The following NHS variants were observed in gnomAD, a reference collection of about 807,000 sequenced individuals.
NHS encodes NHS actin remodeling regulator, also known as actin remodeling regulator NHS.
NHS carries 5 observed loss-of-function variants against 72.5 expected under a neutral mutation model. The ratio of observed to expected loss-of-function variants is 0.07; its 90% CI spans 0.04 to 0.14. The LOEUF (loss-of-function observed/expected upper bound fraction) is 0.14, where lower values mean the gene tolerates loss of function less well. Among genes scored for constraint, NHS ranks in the 10% least tolerant of loss-of-function variants. NHS has a pLI of 1.00. For synonymous variants in NHS, 464 were observed against 547.7 expected (o/e 0.85, Z 2.13); for missense variants, 1,072 against 1,355.7 (o/e 0.79, Z 3.29).
intron 1 of NHS, among the ~76,000 whole-genome samples, chrX:17,549,898 G>A (rs1294946529): frequency 1.8e-5 from 2 of 111,414 alleles, no homozygotes; most frequent in African/African-American, 6.5e-5. Context: ...GACTTGAACA[G>A]GCCCCTTGGG....
At chrX:17,589,833 G>A (rs1377308153) in intron 1 of NHS, among the ~76,000 whole-genome samples, 2 of 111,435 alleles carry the variant, frequency 1.8e-5, no homozygotes, top group Non-Finnish European at 3.8e-5. Flanking sequence ...CTGCATCCAT[G>A]CCAATGTCTA....
At chrX:17,675,363 T>C (rs2066073621) in intron 1 of NHS, among the ~76,000 whole-genome samples, 1 of 112,681 alleles carries the variant, frequency 8.9e-6, no homozygotes, top group Non-Finnish European at 1.9e-5. Flanking sequence ...TAAATTAAAA[T>C]CTGTAATCTT....
chrX:17,559,131 G>T (rs1325578591), intron 1 of NHS, among the ~76,000 whole-genome samples: 1 of 112,073 alleles, frequency 8.9e-6, no homozygotes, highest in Admixed American at 9.5e-5. Context: ...GGCTCCCTGA[G>T]AGGGCTGTTC....
intron 1 of NHS, among the ~76,000 whole-genome samples, chrX:17,492,505 G>T (rs915257392): frequency 4.5e-5 from 5 of 112,306 alleles, no homozygotes; most frequent in Non-Finnish European, 7.5e-5. Context: ...GTGACTCTTT[G>T]TTATGATTTC....
chrX:17,580,340 C>T (rs1410935831), intron 1 of NHS, among the ~76,000 whole-genome samples: 1 of 111,777 alleles, frequency 8.9e-6, no homozygotes, highest in Non-Finnish European at 1.9e-5. Flanking sequence ...AGCTATTCAA[C>T]AAGTATTAAT....
At chrX:17,433,196 CTTTTTTTTTT>C (rs768285319) in intron 1 of NHS, among the ~76,000 whole-genome samples, 834 of 64,577 alleles carry the variant, frequency 0.013, 16 homozygotes, top group African/African-American at 0.047. Context: ...CGCCCGGCTA[CTTTTTTTTTT>C]TTTTTTTTTT....
At chrX:17,573,204 A>G (rs1601780294) in intron 1 of NHS, among the ~76,000 whole-genome samples, 1 of 110,751 alleles carries the variant, frequency 9.0e-6, no homozygotes, top group East Asian at 2.8e-4. Context: ...TCTGTTATTT[A>G]CTGAATTTGA....
chrX:17,493,518 C>T (rs1221027777), intron 1 of NHS, among the ~76,000 whole-genome samples: 2 of 112,121 alleles, frequency 1.8e-5, no homozygotes, highest in African/African-American at 6.5e-5. Context: ...ACTGCATCGC[C>T]AGTCCCCCAG....
At chrX:17,469,652 T>G (rs1295292726) in intron 1 of NHS, among the ~76,000 whole-genome samples, 2 of 112,066 alleles carry the variant, frequency 1.8e-5, no homozygotes, top group African/African-American at 6.5e-5. Flanking sequence ...TCTATAAGTT[T>G]GTTTGAGTCT....
At chrX:17,385,429 G>A (rs751049066) in intron 1 of NHS, among the ~76,000 whole-genome samples, 8 of 111,801 alleles carry the variant, frequency 7.2e-5, no homozygotes, top group Admixed American at 1.9e-4. Context: ...TGGGAGGGTC[G>A]CTTAAATCAA....
At chrX:17,568,939 G>C (rs1172029177) in intron 1 of NHS, among the ~76,000 whole-genome samples, 1 of 110,172 alleles carries the variant, frequency 9.1e-6, no homozygotes, top group African/African-American at 3.3e-5. Context: ...CCTTGTGATA[G>C]TTTGCTGAGA....
intron 1 of NHS, among the ~76,000 whole-genome samples, chrX:17,488,743 A>T (rs1245068138): frequency 1.8e-5 from 2 of 111,754 alleles, no homozygotes; most frequent in East Asian, 5.6e-4. Flanking sequence ...GATATCTGAA[A>T]CAACTCTTTC....
At chrX:17,665,360 G>C (rs1315845187) in intron 1 of NHS, among the ~76,000 whole-genome samples, 2 of 76,745 alleles carry the variant, frequency 2.6e-5, no homozygotes, top group Non-Finnish European at 4.5e-5. Flanking sequence ...ACGGAGTCTC[G>C]CTGTCGCCCA....
chrX:17,550,679 A>C (rs968699625), intron 1 of NHS, among the ~76,000 whole-genome samples: 2 of 112,147 alleles, frequency 1.8e-5, no homozygotes, highest in African/African-American at 3.2e-5. Flanking sequence ...TTACTGAGGC[A>C]GCCTCCTAAT....
chrX:17,648,164 G>A (rs548272299), intron 1 of NHS, among the ~76,000 whole-genome samples: 67 of 111,858 alleles, frequency 6.0e-4, no homozygotes, highest in Middle Eastern at 4.6e-3. Flanking sequence ...TCTGGTCTGG[G>A]ATGGCTCAGT....
Position 17,398,335 on chromosome X carries a change from C to T in NHS, c.565+22013C>T, listed in dbSNP as rs570429851. On this transcript the variant is annotated intron_variant, in intron 1 of 8. Transcript: ENST00000676302. The stretch of plus-strand genomic sequence containing the variant: ...AATTGCAAAGCACTTGACCAGTCCC[C>T]CATCTTTCCTTGTTTCTCTTGTTTA... Among the ~76,000 whole-genome samples the T allele has an allele frequency of 2.7e-5, 3 of 111,912 alleles. No homozygotes were observed. In the South Asian group the frequency reaches 1.1e-3, roughly 43 times the overall value.
In NHS at chrX:17,450,890, GA is replaced by G. The variant is rs745490121; in HGVS notation, c.565+74576del. 9.1e-5 allele frequency among the ~76,000 whole-genome samples: 10 copies of G among 110,367 alleles called. No homozygotes were observed. The South Asian group carries it at 1.6e-3, about 17-fold the overall frequency. The stretch of plus-strand genomic sequence containing the variant: ...AAACTCCGTCTAAAAAACAAAACAA[GA>G]AAAAAAACTTGATTTCCTGGTGAGG... On this transcript the variant is annotated intron_variant, in intron 1 of 8. Transcript: ENST00000676302.
intron 1 of NHS, among the ~76,000 whole-genome samples, chrX:17,516,560 C>G (rs768278749): frequency 1.1e-5 from 1 of 89,643 alleles, no homozygotes; most frequent in East Asian, 3.7e-4. Context: ...ACTTACAACA[C>G]ACACACACGC....
intron 1 of NHS, among the ~76,000 whole-genome samples, chrX:17,469,833 G>A (rs867180135): frequency 9.0e-6 from 1 of 111,670 alleles, no homozygotes; most frequent in African/African-American, 3.2e-5. Flanking sequence ...TAGAGAGACA[G>A]GGTTTTGCCA....
Sources: gnomAD v4.1 joint callset for allele counts (sites outside exome capture counted in the v4.1 genomes callset) on GRCh38, gnomAD v4.1.1 for gene constraint, MANE v1.5 for transcripts, NCBI Gene and HGNC (gene_info 2026-07-23, HGNC 2026-07-21) for gene names.